The following SYNDIG1L variants were observed in gnomAD, a reference collection of about 807,000 sequenced individuals.
SYNDIG1L encodes the protein synapse differentiation-inducing gene protein 1-like.
A neutral mutation model predicts 20.1 loss-of-function variants in SYNDIG1L; 13 were observed. The ratio of observed to expected loss-of-function variants is 0.65; its 90% CI spans 0.42 to 1.03. SYNDIG1L has a LOEUF of 1.03. Ranked by LOEUF, SYNDIG1L falls within the 50% of genes least tolerant of loss-of-function variation. The pLI is 0.00. For missense variants in SYNDIG1L, 294 were observed against 305.1 expected (o/e 0.96, Z 0.27); for synonymous variants, 128 against 129.3 (o/e 0.99, Z 0.07).
chr14:74,434,255 A>T, the SYNDIG1L span, among the ~76,000 whole-genome samples: 1 of 152,198 alleles, frequency 6.6e-6, no homozygotes, highest in South Asian at 2.1e-4. Context: ...AATAAAAATA[A>T]ATATCCATTG....
chr14:74,418,465 G>A (rs1196485509), intron 1 of SYNDIG1L, among the ~76,000 whole-genome samples: 1 of 152,128 alleles, frequency 6.6e-6, no homozygotes, highest in African/African-American at 2.4e-5. Context: ...ACATATTGTA[G>A]TCTCCCTCAC....
At chr14:74,445,454 TTGTGTGTGTGTGTG>T in the SYNDIG1L span, among the ~76,000 whole-genome samples, 15 of 147,868 alleles carry the variant, frequency 1.0e-4, no homozygotes, top group Non-Finnish European at 1.2e-4. Flanking sequence ...GTATTAAAAT[TTGTGTGTGTGTGTG>T]TGTGTGTGTG....
Position 74,422,716 on chromosome 14 carries a change from C to CTTT in SYNDIG1L, c.-58+3195_-58+3196insAAA, listed in dbSNP as rs5809665. 9.8e-5 allele frequency among the ~76,000 whole-genome samples: 14 copies of CTTT among 142,842 alleles called. 2 individuals carry two copies. The highest frequency in any genetic ancestry group is 2.9e-4 in the African/African-American group (11 of 38,264). The allele number at this position is 142,842 out of a possible 152,430, so 93.7% of individuals were successfully genotyped here. A position where few individuals can be genotyped will look rare whatever the true frequency, so the allele number is the denominator to read the frequency against. On this transcript the variant is annotated intron_variant, in intron 1 of 3. Coordinates refer to ENST00000331628, the MANE Select transcript of SYNDIG1L (RefSeq NM_001105579.2). ...TTTTTTCTTTCTTTCTTTCCTTTCT[C>CTTT]TCTTTTTTTTTTTTTAAGACAGGGT...
chr14:74,471,762 GC>G, the SYNDIG1L span, among the ~76,000 whole-genome samples: 1 of 152,174 alleles, frequency 6.6e-6, no homozygotes, highest in Non-Finnish European at 1.5e-5. Flanking sequence ...ACAAAAATGA[GC>G]AAGAGTTCTG....
the SYNDIG1L span, among the ~76,000 whole-genome samples, chr14:74,464,692 T>G: frequency 2.0e-5 from 3 of 152,260 alleles, no homozygotes; most frequent in East Asian, 5.8e-4. Context: ...CAGTATGGCC[T>G]GGTTAGCACG....
chr14:74,422,671 A>ACACACACACACACACACACC, intron 1 of SYNDIG1L, among the ~76,000 whole-genome samples: 1 of 150,466 alleles, frequency 6.6e-6, no homozygotes, highest in African/African-American at 2.4e-5. Flanking sequence ...ACACACACAC[A>ACACACACACACACACACACC]CACACACACA....
chr14:74,417,537 G>A (rs1443020152), intron 1 of SYNDIG1L, among the ~76,000 whole-genome samples: 1 of 152,210 alleles, frequency 6.6e-6, no homozygotes, highest in Non-Finnish European at 1.5e-5. Flanking sequence ...TGTTCCATGT[G>A]CTTTATCTCA....
intron 1 of SYNDIG1L, among the ~76,000 whole-genome samples, chr14:74,424,861 C>G (rs553887217): frequency 2.6e-4 from 40 of 152,232 alleles, no homozygotes; most frequent in African/African-American, 9.2e-4. Flanking sequence ...CTGAGGTGAG[C>G]AGAGCGGTGA....
Position 74,409,774 on chromosome 14 carries a change from C to A in SYNDIG1L, c.-30G>T. The stretch of plus-strand genomic sequence containing the variant: ...CTGGGGCAGCTGCTGGGGAGGGGGG[C>A]CTGGGCCAGCTGAGCAGTCCTCAGA... On this transcript the variant is annotated 5_prime_UTR_variant, in exon 2 of 4. Coordinates refer to ENST00000331628, the MANE Select transcript of SYNDIG1L (RefSeq NM_001105579.2). The A allele has an allele frequency of 1.4e-6, 2 of 1,411,390 alleles. No homozygotes were observed. The highest frequency in any genetic ancestry group is 1.9e-6 in the Non-Finnish European group (2 of 1,078,510). The allele number at this position is 1,411,390 out of a possible 1,614,324, so 87.4% of individuals were successfully genotyped here. A position where few individuals can be genotyped will look rare whatever the true frequency, so the allele number is the denominator to read the frequency against.
In SYNDIG1L at chr14:74,409,775, C is replaced by T; in HGVS notation, c.-31G>A. ...TGGGGCAGCTGCTGGGGAGGGGGGCCTGGGCCAGCTGAGCAGTCCTCAGAG... is the reference window on the plus strand; with the variant it reads ...TGGGGCAGCTGCTGGGGAGGGGGGCTTGGGCCAGCTGAGCAGTCCTCAGAG... On this transcript the variant is annotated 5_prime_UTR_variant, in exon 2 of 4. Transcript: ENST00000331628. 1.4e-6 allele frequency: 2 copies of T among 1,412,066 alleles called. No homozygotes were observed. The highest frequency in any genetic ancestry group is 1.4e-5 in the African/African-American group (1 of 69,226). 87.5% of individuals were successfully genotyped at this position (1,412,066 alleles called of 1,614,324 possible).
intron 2 of SYNDIG1L, among the ~76,000 whole-genome samples, chr14:74,408,390 T>G (rs1314504498): frequency 1.3e-5 from 2 of 151,780 alleles, no homozygotes; most frequent in Non-Finnish European, 2.9e-5. Context: ...ATGATGAAAC[T>G]CCCTCTCTAC....
upstream of SYNDIG1L, among the ~76,000 whole-genome samples, chr14:74,427,717 T>G (rs543238360): frequency 3.7e-4 from 57 of 152,246 alleles, no homozygotes; most frequent in African/African-American, 1.3e-3. Flanking sequence ...ATACTTCATC[T>G]TCACAGACAC....
At chr14:74,477,051 CA>C in the SYNDIG1L span, among the ~76,000 whole-genome samples, 1 of 43,152 alleles carries the variant, frequency 2.3e-5, no homozygotes, top group Admixed American at 2.3e-4. Flanking sequence ...CACACACACA[CA>C]CACACACACA....
In SYNDIG1L at chr14:74,409,394, G is replaced by C. The variant is rs773914996; in HGVS notation, c.351C>G (p.Ile117Met). The change falls in exon 2 of 4, where the codon ATC becomes ATG. Residue 117 changes from isoleucine to methionine, a missense_variant. Physicochemically the swap from Ile to Met is conservative, Grantham distance 10 (BLOSUM62 1). Transcript: ENST00000331628. ...GPGQAAENVT[I>M]QTVSYGVQEE... ...CTTGTACCCCATAGGACACAGTCTG[G>C]ATGGTGACATTCTCTGCAGCTTGGC... 2 of 1,612,978 alleles carry C rather than the reference G, an allele frequency of 1.2e-6. No homozygotes were observed. Among genetic ancestry groups the C allele is most frequent in the Non-Finnish European group, 1.7e-6 (2 of 1,179,614 alleles).
the SYNDIG1L span, among the ~76,000 whole-genome samples, chr14:74,441,446 C>T: frequency 2.6e-5 from 4 of 152,116 alleles, no homozygotes; most frequent in African/African-American, 7.2e-5. Flanking sequence ...AAATCTGTTA[C>T]GACCTTGCTG....
Position 74,407,432 on chromosome 14 carries a change from G to A in SYNDIG1L, c.*103C>T, listed in dbSNP as rs781778322. ...CTCCCCCTCAGCAAGCCACTCTCACGGGATCATCTTCAGGGGCCGGGCCTT... is the reference window on the plus strand; with the variant it reads ...CTCCCCCTCAGCAAGCCACTCTCACAGGATCATCTTCAGGGGCCGGGCCTT... On this transcript the variant is annotated 3_prime_UTR_variant, in exon 4 of 4. Coordinates refer to ENST00000331628, the MANE Select transcript of SYNDIG1L (RefSeq NM_001105579.2). 4.4e-5 allele frequency: 66 copies of A among 1,516,722 alleles called. No individual in the cohort carries two copies. The highest frequency in any genetic ancestry group is 5.5e-5 in the Non-Finnish European group (61 of 1,116,758). 94.0% of individuals were successfully genotyped at this position (1,516,722 alleles called of 1,614,324 possible).
chr14:74,414,339 T>C (rs1043778163), intron 1 of SYNDIG1L, among the ~76,000 whole-genome samples: 2 of 152,170 alleles, frequency 1.3e-5, no homozygotes, highest in Non-Finnish European at 2.9e-5. Context: ...CTCCAAATTG[T>C]GCAGCTGGGG....
At chr14:74,473,923 C>T in the SYNDIG1L span, 1 of 152,220 alleles carries the variant, frequency 6.6e-6, no homozygotes, top group East Asian at 1.9e-4. Context: ...CAAAGAAAGG[C>T]ATTCACTGAG....
At chr14:74,479,683 G>A in the SYNDIG1L span, 17 of 165,486 alleles carry the variant, frequency 1.0e-4, no homozygotes, top group Non-Finnish European at 1.7e-4. Context: ...CCTTTCAGGC[G>A]TTATTATTCA....
Sources: allele counts gnomAD v4.1 joint callset (sites outside exome capture counted in the v4.1 genomes callset), GRCh38; gene constraint gnomAD v4.1.1; transcripts MANE v1.5; gene names NCBI Gene and HGNC (gene_info 2026-07-23, HGNC 2026-07-21).